The following FBXW8 variants were observed in gnomAD, a reference collection of about 807,000 sequenced individuals.
FBXW8 encodes the protein F-box/WD repeat-containing protein 8.
Under a neutral mutation model 65.3 loss-of-function variants are expected in FBXW8, and 57 were observed. The observed-to-expected ratio is 0.87, with a 90% CI of 0.71 to 1.09. The LOEUF (loss-of-function observed/expected upper bound fraction) is 1.09. Among genes scored for constraint, FBXW8 ranks in the 50% least tolerant of loss-of-function variants. The probability of loss-of-function intolerance (pLI) is 0.00; values close to 1 mark genes in which losing one functional copy is unlikely to be tolerated. For missense variants in FBXW8, 777 were observed against 814.8 expected, an observed-to-expected ratio of 0.95 and a Z score of 0.57; for synonymous variants, 308 against 330.2, an observed-to-expected ratio of 0.93 and a Z score of 0.73.
intron 8 of FBXW8, among the ~76,000 whole-genome samples, chr12:117,010,993 C>T (rs117266328): frequency 0.021 from 3,217 of 152,264 alleles, 55 homozygotes; most frequent in South Asian, 0.082. Flanking sequence ...CGGATTTTCC[C>T]GGTATAGGGG....
chr12:117,017,520 C>A (rs1261433862), intron 8 of FBXW8, among the ~76,000 whole-genome samples: 1 of 152,070 alleles, frequency 6.6e-6, no homozygotes, highest in African/African-American at 2.4e-5. Context: ...TCACCAAAGG[C>A]CATTGTCAGT....
At chr12:116,949,541 A>G in intron 3 of FBXW8, 77 bp from the exon 4 acceptor site, 1 of 1,241,134 alleles carries the variant, frequency 8.1e-7, no homozygotes, top group East Asian at 2.3e-5. Context: ...TGTGGAAAGT[A>G]GGTGAAAAAG....
rs118139796 is a variant in FBXW8 at position 116,968,282 on chromosome 12, T to C, written c.835+3428T>C. On this transcript the variant is annotated intron_variant, in intron 5 of 10. Coordinates refer to ENST00000652555, the MANE Select transcript of FBXW8 (RefSeq NM_153348.3). ...TGTCTGCTCCATTCTGAAGTAACCATATTTTTTACTTTCTTGTATATCCTT... is the reference window on the plus strand; with the variant it reads ...TGTCTGCTCCATTCTGAAGTAACCACATTTTTTACTTTCTTGTATATCCTT... 4.6e-3 allele frequency among the ~76,000 whole-genome samples: 706 copies of C among 152,324 alleles called. 1 individual carries two copies. Among genetic ancestry groups the C allele is most frequent in the Non-Finnish European group, 7.7e-3 (522 of 68,028 alleles).
In FBXW8 at chr12:116,961,065, C is replaced by T. The variant is rs1195705864; in HGVS notation, c.678-3632C>T. Among the ~76,000 whole-genome samples, 3 of 152,174 alleles carry T rather than the reference C, an allele frequency of 2.0e-5. No individual in the cohort carries two copies. The highest frequency in any genetic ancestry group is 1.9e-4 in the East Asian group (1 of 5,194). ...AGGCTGGAATGCAGTGGCACAATCTCGGCTCACTGCAACCTCCACCTCCCA... is the reference window on the plus strand; with the variant it reads ...AGGCTGGAATGCAGTGGCACAATCTTGGCTCACTGCAACCTCCACCTCCCA... On this transcript the variant is annotated intron_variant, in intron 4 of 10. Transcript: ENST00000652555. The surrounding 1 kb of genome is among the most constrained non-coding windows in gnomAD (Gnocchi z 4.4).
At chr12:116,973,517 A>G (rs906425812) in intron 5 of FBXW8, among the ~76,000 whole-genome samples, 3 of 152,238 alleles carry the variant, frequency 2.0e-5, no homozygotes, top group African/African-American at 7.2e-5. Flanking sequence ...GCCATGTGAC[A>G]CGATGCAGTG....
chr12:117,010,411 G>C lies in FBXW8; in HGVS notation c.1328G>C (p.Ser443Thr). 6.2e-7 allele frequency: 1 copy of C among 1,614,220 alleles called. No individual in the cohort carries two copies. Among genetic ancestry groups the C allele is most frequent in the Non-Finnish European group, 8.5e-7 (1 of 1,180,048 alleles). The change falls in exon 8 of 11, where the codon AGC becomes ACC. Residue 443 changes from serine to threonine, a missense_variant. Transcript: ENST00000652555. ...TTCACGTGTGTCAACCTCAGCGACA[G>C]CCCTCCCAACCTCATGGTCAGTGGC... The part of the protein sequence containing the change: ...RDFTCVNLSD[S>T]PPNLMVSGNM...
In FBXW8 at chr12:117,028,711, T is replaced by TA. The variant is rs1449273671; in HGVS notation, c.*539_*540insA. 6.4e-6 allele frequency: 1 copy of TA among 155,698 alleles called. No individual in the cohort carries two copies. Among genetic ancestry groups the TA allele is most frequent in the African/African-American group, 2.4e-5 (1 of 41,510 alleles). 9.6% of individuals were successfully genotyped at this position (155,698 alleles called of 1,614,324 possible). On this transcript the variant is annotated 3_prime_UTR_variant, in exon 11 of 11. Coordinates refer to ENST00000652555, the MANE Select transcript of FBXW8 (RefSeq NM_153348.3). The surrounding 1 kb of genome is among the most constrained non-coding windows in gnomAD (Gnocchi z 4.1). Reference sequence around the variant, plus strand: ...AGCAAGCTGGTAGAGCTGTACTTTTTCTTCACAGCTTTTACCATGGTTTAT... The same window carrying TA: ...AGCAAGCTGGTAGAGCTGTACTTTTTACTTCACAGCTTTTACCATGGTTTAT...
rs577831902 is a variant in FBXW8 at position 116,924,893 on chromosome 12, A to G, written c.319-3130A>G. Among the ~76,000 whole-genome samples the G allele has an allele frequency of 2.8e-4, 43 of 152,290 alleles. 1 individual carries two copies. The South Asian group carries it at 8.9e-3, about 32-fold the overall frequency. On this transcript the variant is annotated intron_variant, in intron 1 of 10. Coordinates refer to ENST00000652555, the MANE Select transcript of FBXW8 (RefSeq NM_153348.3). ...CTGAAGTTGATGAATTAGTTACTAA[A>G]CCTTGAATTTACTCTGGTTTGTCTG...
chr12:117,010,555 C>A, intron 8 of FBXW8, 105 bp downstream of exon 8: 1 of 1,499,308 alleles, frequency 6.7e-7, no homozygotes, highest in Non-Finnish European at 9.2e-7. Flanking sequence ...ACAGCTCTGC[C>A]CACCTGAGTT....
chr12:117,023,355 G>A (rs973909595), intron 8 of FBXW8, among the ~76,000 whole-genome samples: 2 of 152,056 alleles, frequency 1.3e-5, no homozygotes, highest in African/African-American at 2.4e-5. Flanking sequence ...GCATCACAGG[G>A]TCTCTTAAGC....
intron 4 of FBXW8, among the ~76,000 whole-genome samples, chr12:116,958,093 G>A (rs920216741): frequency 6.6e-6 from 1 of 152,192 alleles, no homozygotes; most frequent in African/African-American, 2.4e-5. Context: ...ACAGTTTTAA[G>A]TGTGTAGTGC....
intron 2 of FBXW8, among the ~76,000 whole-genome samples, chr12:116,943,459 C>T (rs540001089): frequency 1.8e-4 from 28 of 152,316 alleles, no homozygotes; most frequent in African/African-American, 6.5e-4. Context: ...CTCCTGAAGT[C>T]TCTGCTTGGC....
chr12:116,994,016 C>T (rs1592936590), intron 7 of FBXW8, among the ~76,000 whole-genome samples: 1 of 152,098 alleles, frequency 6.6e-6, no homozygotes, highest in Non-Finnish European at 1.5e-5. Flanking sequence ...TAAAAACAAT[C>T]CTAAAATTAA....
intron 2 of FBXW8, among the ~76,000 whole-genome samples, chr12:116,944,976 A>C (rs1056357515): frequency 6.6e-6 from 1 of 152,214 alleles, no homozygotes; most frequent in Non-Finnish European, 1.5e-5. Context: ...CAATTCTGTA[A>C]GGTGGAAATA....
chr12:117,013,073 G>C (rs920293129), intron 8 of FBXW8, among the ~76,000 whole-genome samples: 2 of 151,982 alleles, frequency 1.3e-5, no homozygotes, highest in African/African-American at 4.8e-5. Flanking sequence ...GTGAAACCCC[G>C]TCTCTACTAA....
chr12:116,984,996 TAAA>T (rs1046840710), intron 5 of FBXW8, among the ~76,000 whole-genome samples: 1 of 151,984 alleles, frequency 6.6e-6, no homozygotes, highest in Non-Finnish European at 1.5e-5. Context: ...TTCTAAAAAA[TAAA>T]AAAGTAAAAT....
chr12:116,965,014 T>C (rs1884228530), intron 5 of FBXW8, among the ~76,000 whole-genome samples, 160 bp downstream of exon 5: 1 of 152,222 alleles, frequency 6.6e-6, no homozygotes, highest in Non-Finnish European at 1.5e-5. Flanking sequence ...TTTGAAGAAG[T>C]TGGCCAACAA....
intron 2 of FBXW8, among the ~76,000 whole-genome samples, chr12:116,930,822 T>TA (rs1336163943): frequency 6.6e-6 from 1 of 152,244 alleles, no homozygotes; most frequent in Non-Finnish European, 1.5e-5. Context: ...TTATTTTTTT[T>TA]ATTGAGACAG....
chr12:116,922,595 C>A (rs1880989118), intron 1 of FBXW8, among the ~76,000 whole-genome samples: 1 of 152,156 alleles, frequency 6.6e-6, no homozygotes, highest in Non-Finnish European at 1.5e-5. Flanking sequence ...CAAGAGAAGA[C>A]AGATTAAATT....
Sources: allele counts gnomAD v4.1 joint callset (sites outside exome capture counted in the v4.1 genomes callset), GRCh38; gene constraint gnomAD v4.1.1; non-coding constraint Gnocchi (gnomAD v3.1); transcripts MANE v1.5; gene names NCBI Gene and HGNC (gene_info 2026-07-23, HGNC 2026-07-21).